Variants in NAV3 observed in about 807,000 individuals in gnomAD.
NAV3 encodes the protein pore membrane and/or filament interacting like protein 1.
A neutral mutation model predicts 244.7 loss-of-function variants in NAV3; 87 were observed. The ratio of observed to expected loss-of-function variants is 0.36; its 90% CI spans 0.30 to 0.42. The LOEUF (loss-of-function observed/expected upper bound fraction) is 0.42, where lower values mean the gene tolerates loss of function less well. Ranked by LOEUF, NAV3 falls within the 20% of genes least tolerant of loss-of-function variation. The pLI, the probability that NAV3 is intolerant of heterozygous loss-of-function variation, is 1.00. For synonymous variants in NAV3, 1,126 were observed against 1,042.2 expected, an observed-to-expected ratio of 1.08 and a Z score of -1.55; for missense variants, 2,663 against 2,893.3, an observed-to-expected ratio of 0.92 and a Z score of 1.83.
chr12:77,779,849 C>T (rs1044181484), intron 2 of NAV3, among the ~76,000 whole-genome samples: 9 of 152,120 alleles, frequency 5.9e-5, no homozygotes, highest in Admixed American at 3.3e-4. Flanking sequence ...ATGAAAGGGG[C>T]AGCGTGGTTG....
intron 2 of NAV3, among the ~76,000 whole-genome samples, chr12:77,793,860 A>G (rs569133642): frequency 3.3e-5 from 5 of 152,334 alleles, no homozygotes; most frequent in Non-Finnish European, 7.3e-5. Context: ...CGCTGGGTCA[A>G]ATGGTATTTC....
At chr12:77,926,174 T>G (rs2137243315) in intron 1 of NAV3, among the ~76,000 whole-genome samples, 1 of 152,318 alleles carries the variant, frequency 6.6e-6, no homozygotes, top group African/African-American at 2.4e-5. Flanking sequence ...TTCCAAGTTC[T>G]ATGTTTTTAG....
At chr12:78,114,344 A>G (rs1403057582) in intron 12 of NAV3, among the ~76,000 whole-genome samples, 1 of 152,154 alleles carries the variant, frequency 6.6e-6, no homozygotes, top group East Asian at 1.9e-4. Context: ...TCCTGGTACC[A>G]ATTTACCATA....
At chr12:78,053,509 C>G (rs1275739437) in intron 11 of NAV3, among the ~76,000 whole-genome samples, 1 of 152,052 alleles carries the variant, frequency 6.6e-6, no homozygotes, top group Non-Finnish European at 1.5e-5. Context: ...GATTCATTCA[C>G]GTGGAACTCC....
intron 1 of NAV3, among the ~76,000 whole-genome samples, chr12:77,873,679 GTA>G (rs200152687): frequency 0.036 from 3,822 of 107,174 alleles, 232 homozygotes; most frequent in African/African-American, 0.11. Context: ...ATTTGTATGT[GTA>G]TATATATATA....
chr12:77,683,377 T>G (rs1306857568), intron 2 of NAV3, among the ~76,000 whole-genome samples: 3 of 121,684 alleles, frequency 2.5e-5, no homozygotes, highest in East Asian at 2.1e-4. Flanking sequence ...TTTGTATGTG[T>G]TTTTTTTTGC....
At chr12:77,701,237 G>A (rs1875546469) in intron 2 of NAV3, among the ~76,000 whole-genome samples, 1 of 151,868 alleles carries the variant, frequency 6.6e-6, no homozygotes. Flanking sequence ...ATGATACAAA[G>A]CTATTTAGTT....
chr12:78,150,660 CACACACACACAT>C lies in NAV3; in HGVS notation c.4785+1751_4785+1762del, dbSNP rs987584662. The stretch of plus-strand genomic sequence containing the variant: ...ACACACACACACACACACACACACA[CACACACACACAT>C]ACACACACATACGGAACCAAATTCT... On this transcript the variant is annotated intron_variant, in intron 22 of 39. Transcript: ENST00000397909. 5.4e-4 allele frequency among the ~76,000 whole-genome samples: 80 copies of C among 146,900 alleles called. 1 individual carries two copies. The highest frequency in any genetic ancestry group is 2.1e-3 in the African/African-American group (79 of 37,464).
In NAV3 at chr12:77,831,260, C is replaced by A. The variant is rs992997048; in HGVS notation, c.-202C>A. On this transcript the variant is annotated 5_prime_UTR_variant, in exon 1 of 40. Coordinates refer to ENST00000397909, the MANE Select transcript of NAV3 (RefSeq NM_001024383.2). ...GAATGAGAATGAATATGAATCCCAG[C>A]CAGCAAGAAAGAAAAGATACTTAAC... 5 of 446,990 alleles carry A rather than the reference C, an allele frequency of 1.1e-5. No individual in the cohort carries two copies. The highest frequency in any genetic ancestry group is 7.5e-5 in the South Asian group (2 of 26,636). 27.7% of individuals were successfully genotyped at this position (446,990 alleles called of 1,614,324 possible).
At chr12:77,802,875 G>C (rs924086452) in intron 2 of NAV3, among the ~76,000 whole-genome samples, 1 of 152,044 alleles carries the variant, frequency 6.6e-6, no homozygotes, top group African/African-American at 2.4e-5. Context: ...CACCATGTTA[G>C]CCAGGATGGT....
At position 78,200,592 on chromosome 12, in the gene NAV3, G is replaced by A; in HGVS notation, c.6834+1G>A. ...GGAGGCAGTGAGAGAGGGTCTTCAG[G>A]TATAGTACTCAATTTTCATTGCTAT... On this transcript the variant is annotated splice_donor_variant, in intron 38 of 39. Transcript: ENST00000397909. LOFTEE classifies it high-confidence loss of function. The A allele has an allele frequency of 1.4e-6, 2 of 1,434,812 alleles. No individual in the cohort carries two copies. The highest frequency in any genetic ancestry group is 1.4e-5 in the South Asian group (1 of 69,336). The allele number at this position is 1,434,812 out of a possible 1,614,324, so 88.9% of individuals were successfully genotyped here. A position where few individuals can be genotyped will look rare whatever the true frequency, so the allele number is the denominator to read the frequency against.
intron 39 of NAV3, among the ~76,000 whole-genome samples, chr12:78,209,751 A>G (rs766162644): frequency 2.6e-5 from 4 of 152,216 alleles, no homozygotes; most frequent in Non-Finnish European, 5.9e-5. Flanking sequence ...CTATTGTTCC[A>G]GATGATAGTT....
chr12:78,011,461 G>GT (rs1164234060), intron 8 of NAV3, among the ~76,000 whole-genome samples: 2 of 152,066 alleles, frequency 1.3e-5, no homozygotes, highest in East Asian at 1.9e-4. Context: ...AAAAAAGAGG[G>GT]TTTTTTACAA....
At chr12:77,684,920 C>T (rs1592579753) in intron 2 of NAV3, among the ~76,000 whole-genome samples, 1 of 152,026 alleles carries the variant, frequency 6.6e-6, no homozygotes, top group African/African-American at 2.4e-5. Context: ...ATTTTCCTTT[C>T]ACTATTGAAT....
At chr12:77,935,234 A>T (rs1889211718) in intron 1 of NAV3, among the ~76,000 whole-genome samples, 1 of 152,198 alleles carries the variant, frequency 6.6e-6, no homozygotes, top group Admixed American at 6.5e-5. Flanking sequence ...AAAAAAAATC[A>T]CAAATGTTTA....
intron 1 of NAV3, among the ~76,000 whole-genome samples, chr12:77,923,725 A>G (rs988046596): frequency 1.3e-5 from 2 of 152,192 alleles, no homozygotes; most frequent in Non-Finnish European, 2.9e-5. Context: ...AACTTGACCA[A>G]CAAATGCTCA....
chr12:77,733,577 C>T (rs1877211035), intron 2 of NAV3, among the ~76,000 whole-genome samples: 1 of 151,922 alleles, frequency 6.6e-6, no homozygotes, highest in South Asian at 2.1e-4. Context: ...CATCTGTGAT[C>T]ACTTGACAAA....
In NAV3 at chr12:78,166,738, G is replaced by A. The variant is rs1386429656; in HGVS notation, c.4870-2017G>A. ...TGAATGTTCTACATTTTATCTTTTT[G>A]AAAACAGGTTTTATAAGAGATTTCT... On this transcript the variant is annotated intron_variant, in intron 23 of 39. Coordinates refer to ENST00000397909, the MANE Select transcript of NAV3 (RefSeq NM_001024383.2). 2.6e-5 allele frequency among the ~76,000 whole-genome samples: 4 copies of A among 151,748 alleles called. No individual in the cohort carries two copies. In the East Asian group the frequency reaches 7.8e-4, roughly 29 times the overall value.
chr12:77,947,442 TG>T (rs1890464483), intron 3 of NAV3: 2 of 150,476 alleles, frequency 1.3e-5, no homozygotes, highest in Admixed American at 1.3e-4. Flanking sequence ...GATGAGAAGA[TG>T]AGGTTCTTAA....
Sources: gnomAD v4.1 joint callset for allele counts (sites outside exome capture counted in the v4.1 genomes callset) on GRCh38, gnomAD v4.1.1 for gene constraint, MANE v1.5 for transcripts, NCBI Gene and HGNC (gene_info 2026-07-23, HGNC 2026-07-21) for gene names.